SYT14: variants seen among roughly 807,000 people sequenced by gnomAD.
SYT14 encodes the protein synaptotagmin 14.
Under a neutral mutation model 74.2 loss-of-function variants are expected in SYT14, and 32 were observed. That is an observed-to-expected ratio of 0.43 (90% CI 0.33 to 0.58). The LOEUF (loss-of-function observed/expected upper bound fraction) is 0.58. Ranked by LOEUF, SYT14 falls within the 20% of genes least tolerant of loss-of-function variation. The pLI is 0.05. For missense variants in SYT14, 791 were observed against 981.8 expected, an observed-to-expected ratio of 0.81 and a Z score of 2.60; for synonymous variants, 298 against 337.7, an observed-to-expected ratio of 0.88 and a Z score of 1.29.
chr1:209,985,680 C>T (rs1179077829), intron 2 of SYT14, among the ~76,000 whole-genome samples: 1 of 152,236 alleles, frequency 6.6e-6, no homozygotes, highest in African/African-American at 2.4e-5. Context: ...TAGAGGTTTT[C>T]TGTGAGGCCT....
At position 210,116,558 on chromosome 1, in the gene SYT14, G is replaced by C. The variant is rs140941137; in HGVS notation, c.2034+16097G>C. Reference sequence around the variant, plus strand: ...GGTGGGGTTTCACCATGTTGGCCAGGCTGGTCTCAAACTCCTGACTTCAAG... The same window carrying C: ...GGTGGGGTTTCACCATGTTGGCCAGCCTGGTCTCAAACTCCTGACTTCAAG... On this transcript the variant is annotated intron_variant, in intron 7 of 9. Coordinates refer to ENST00000637265, the Ensembl canonical transcript of SYT14. 8.9e-3 allele frequency among the ~76,000 whole-genome samples: 1,350 copies of C among 152,286 alleles called. 21 individuals carry two copies. Among genetic ancestry groups the C allele is most frequent in the African/African-American group, 0.03 (1,256 of 41,550 alleles).
chr1:209,977,769 A>C (rs1200731423), intron 2 of SYT14, among the ~76,000 whole-genome samples: 1 of 152,078 alleles, frequency 6.6e-6, no homozygotes, highest in Non-Finnish European at 1.5e-5. Context: ...CTAGTTTGGG[A>C]AAGTTCTCTT....
intron 7 of SYT14, among the ~76,000 whole-genome samples, chr1:210,124,328 G>C (rs929368517): frequency 6.6e-6 from 1 of 151,992 alleles, no homozygotes; most frequent in African/African-American, 2.4e-5. Flanking sequence ...TTTAAAAAAG[G>C]ATTAGAGATT....
chr1:209,956,605 A>G (rs572105898), intron 2 of SYT14, among the ~76,000 whole-genome samples: 1 of 152,288 alleles, frequency 6.6e-6, no homozygotes, highest in East Asian at 1.9e-4. Flanking sequence ...ACTTCAAAAC[A>G]GGCTAGGAAG....
At chr1:210,060,266 G>C (rs1195343622) in intron 5 of SYT14, among the ~76,000 whole-genome samples, 1 of 152,146 alleles carries the variant, frequency 6.6e-6, no homozygotes, top group South Asian at 2.1e-4. Flanking sequence ...TAGGCAATGC[G>C]ATCTAAGGTA....
At chr1:210,031,823 G>A (rs1325830595) in intron 5 of SYT14, among the ~76,000 whole-genome samples, 2 of 152,074 alleles carry the variant, frequency 1.3e-5, no homozygotes, top group Non-Finnish European at 2.9e-5. Flanking sequence ...TTTGTGAAGA[G>A]CAAGGGGGCC....
intron 5 of SYT14, among the ~76,000 whole-genome samples, chr1:210,061,073 C>T (rs2081199765): frequency 6.6e-6 from 1 of 151,978 alleles, no homozygotes; most frequent in Admixed American, 6.6e-5. Flanking sequence ...TATTGTATTT[C>T]CCAAAGGCCT....
chr1:210,118,180 G>C (rs1003248948), intron 7 of SYT14, among the ~76,000 whole-genome samples: 6 of 152,146 alleles, frequency 3.9e-5, no homozygotes, highest in Non-Finnish European at 8.8e-5. Context: ...ACACATAAAT[G>C]GGTCCAAGCA....
intron 5 of SYT14, among the ~76,000 whole-genome samples, chr1:210,054,987 C>T (rs2081069513): frequency 6.6e-6 from 1 of 152,140 alleles, no homozygotes; most frequent in Admixed American, 6.5e-5. Flanking sequence ...ATATTGCTTA[C>T]TGGGCAAGCT....
At chr1:210,113,909 C>T (rs2082310229) in intron 7 of SYT14, among the ~76,000 whole-genome samples, 1 of 151,244 alleles carries the variant, frequency 6.6e-6, no homozygotes, top group Non-Finnish European at 1.5e-5. Flanking sequence ...ATACCCACAA[C>T]AGTTATGGAG....
intron 5 of SYT14, among the ~76,000 whole-genome samples, chr1:210,048,402 C>A (rs113836551): frequency 6.6e-6 from 1 of 152,140 alleles, no homozygotes; most frequent in Non-Finnish European, 1.5e-5. Context: ...GGGGAGGCCT[C>A]ATAATCATGG....
At chr1:209,955,451 A>T (rs2078978263) in intron 2 of SYT14, among the ~76,000 whole-genome samples, 1 of 152,178 alleles carries the variant, frequency 6.6e-6, no homozygotes, top group African/African-American at 2.4e-5. Context: ...TAGTAAGTTC[A>T]ATCAGTTCTA....
intron 7 of SYT14, among the ~76,000 whole-genome samples, chr1:210,152,208 A>G (rs1228002783): frequency 6.6e-6 from 1 of 152,182 alleles, no homozygotes; most frequent in Non-Finnish European, 1.5e-5. Context: ...TAAAATGTGT[A>G]TTCCTTTTGG....
At chr1:210,079,432 G>GT (rs1398269294) in intron 5 of SYT14, among the ~76,000 whole-genome samples, 1 of 152,052 alleles carries the variant, frequency 6.6e-6, no homozygotes, top group Non-Finnish European at 1.5e-5. Context: ...AAAGGAATAA[G>GT]TTTTTTGTCA....
intron 2 of SYT14, among the ~76,000 whole-genome samples, chr1:209,970,579 GT>G (rs1453810679): frequency 7.1e-6 from 1 of 141,382 alleles, no homozygotes; most frequent in Non-Finnish European, 1.5e-5. Flanking sequence ...TTTTAGAATA[GT>G]TTTTTTCTAA....
intron 5 of SYT14, among the ~76,000 whole-genome samples, chr1:210,052,964 A>G (rs1361793062): frequency 6.6e-6 from 1 of 152,096 alleles, no homozygotes; most frequent in Non-Finnish European, 1.5e-5. Flanking sequence ...ACATTTTCTT[A>G]TGACTACTAC....
exon 10 of SYT14, chr1:210,163,777 T>A: frequency 2.2e-6 from 1 of 453,826 alleles, no homozygotes; most frequent in Non-Finnish European, 4.4e-6. Context: ...CTCTACTGAA[T>A]CTAATGTACG....
intron 7 of SYT14, among the ~76,000 whole-genome samples, chr1:210,148,689 C>A (rs895143274): frequency 6.6e-6 from 1 of 152,048 alleles, no homozygotes; most frequent in Admixed American, 6.6e-5. Flanking sequence ...TAAAGAAATT[C>A]AGCCAGTAGC....
chr1:210,117,734 A>C (rs2082387555), intron 7 of SYT14, among the ~76,000 whole-genome samples: 2 of 152,214 alleles, frequency 1.3e-5, no homozygotes. Context: ...ACAGGTCATA[A>C]AAGAAAGCCT....
Sources: allele counts gnomAD v4.1 joint callset (sites outside exome capture counted in the v4.1 genomes callset), GRCh38; gene constraint gnomAD v4.1.1; transcripts MANE v1.5; gene names NCBI Gene and HGNC (gene_info 2026-07-23, HGNC 2026-07-21).